NAA11: variants seen among roughly 807,000 people sequenced by gnomAD.
The protein encoded by NAA11 is N-alpha-acetyltransferase 11.
Under a neutral mutation model 16.1 loss-of-function variants are expected in NAA11, and 15 were observed. The observed-to-expected ratio is 0.93, with a 90% CI of 0.62 to 1.44. NAA11 has a LOEUF of 1.44. Ranked by LOEUF, NAA11 falls within the 40% of genes most tolerant of loss-of-function variation. The pLI is 0.00. For missense variants in NAA11, 298 were observed against 291.3 expected (o/e 1.02, Z -0.17); for synonymous variants, 122 against 112.4 (o/e 1.09, Z -0.54).
At chr4:79,271,327 G>A (rs1167502725) in intron 2 of NAA11, among the ~76,000 whole-genome samples, 7 of 145,604 alleles carry the variant, frequency 4.8e-5, no homozygotes, top group Non-Finnish European at 7.5e-5. Context: ...TACAAGGGAT[G>A]TGAAGGACCT....
chr4:79,306,649 C>T (rs1723588852), intron 1 of NAA11: 2 of 152,146 alleles, frequency 1.3e-5, no homozygotes, highest in Admixed American at 6.5e-5. Flanking sequence ...AATAACAGTA[C>T]TTTGAAAAAT....
chr4:79,255,296 TTGG>T (rs1341641021), intron 2 of NAA11, among the ~76,000 whole-genome samples: 3 of 152,174 alleles, frequency 2.0e-5, no homozygotes, highest in Non-Finnish European at 4.4e-5. Flanking sequence ...GTACATGTCT[TTGG>T]TGGGCATATA....
intron 2 of NAA11, among the ~76,000 whole-genome samples, chr4:79,233,546 G>A (rs1721510139): frequency 6.6e-6 from 1 of 151,908 alleles, no homozygotes; most frequent in South Asian, 2.1e-4. Context: ...TCAGGCCATG[G>A]TTTTGGTTGC....
At chr4:79,323,880 G>A (rs1209959708) in intron 1 of NAA11, among the ~76,000 whole-genome samples, 2 of 152,114 alleles carry the variant, frequency 1.3e-5, no homozygotes, top group South Asian at 4.2e-4. Flanking sequence ...GCGGGCGCCT[G>A]TAGTCCCAGT....
chr4:79,213,909 T>G, the NAA11 span, among the ~76,000 whole-genome samples: 2 of 152,318 alleles, frequency 1.3e-5, no homozygotes, highest in South Asian at 4.1e-4. Context: ...GTGCCCAATT[T>G]GTAGCACATG....
intron 2 of NAA11, among the ~76,000 whole-genome samples, chr4:79,249,956 T>A (rs959392654): frequency 6.6e-6 from 1 of 152,224 alleles, no homozygotes; most frequent in East Asian, 1.9e-4. Context: ...GCATTGGGAC[T>A]GACTAGGTGA....
chr4:79,223,994 A>G (rs1578149045), downstream of NAA11, among the ~76,000 whole-genome samples: 1 of 152,116 alleles, frequency 6.6e-6, no homozygotes. Flanking sequence ...TTTCTGTTTT[A>G]TCCTTTCAGT....
the NAA11 span, among the ~76,000 whole-genome samples, chr4:79,208,105 A>T: frequency 6.6e-6 from 1 of 152,148 alleles, no homozygotes; most frequent in African/African-American, 2.4e-5. Flanking sequence ...ATTTTCGCAA[A>T]ATTTGACTTT....
At chr4:79,298,172 C>T in intron 1 of NAA11, among the ~76,000 whole-genome samples, 1 of 152,170 alleles carries the variant, frequency 6.6e-6, no homozygotes, top group East Asian at 1.9e-4. Flanking sequence ...AAAGGAGCTG[C>T]CCCCTGCAGG....
chr4:79,257,648 G>A (rs991342374), intron 2 of NAA11, among the ~76,000 whole-genome samples: 1 of 151,888 alleles, frequency 6.6e-6, no homozygotes, highest in African/African-American at 2.4e-5. Flanking sequence ...TTTGGTGTTT[G>A]ATCTTTATTT....
the NAA11 span, among the ~76,000 whole-genome samples, chr4:79,210,246 C>T: frequency 6.6e-6 from 1 of 151,818 alleles, no homozygotes; most frequent in Non-Finnish European, 1.5e-5. Context: ...AGTTAGGGGA[C>T]GTTTATTGCG....
intron 2 of NAA11, among the ~76,000 whole-genome samples, chr4:79,277,722 C>T (rs13108290): frequency 0.43 from 65,306 of 151,654 alleles, 14,563 homozygotes; most frequent in Middle Eastern, 0.53. Context: ...AGCACTCACC[C>T]CGTCATTCTC....
the NAA11 span, among the ~76,000 whole-genome samples, chr4:79,200,001 T>A: frequency 6.6e-6 from 1 of 151,846 alleles, no homozygotes; most frequent in East Asian, 1.9e-4. Flanking sequence ...GCTTAATTCA[T>A]AGCAAATACA....
At chr4:79,224,440 A>G (rs568237417), downstream of NAA11, among the ~76,000 whole-genome samples, 1 of 152,264 alleles carries the variant, frequency 6.6e-6, no homozygotes, top group East Asian at 1.9e-4. Flanking sequence ...TAATTACGTG[A>G]TGATTGAACC....
chr4:79,244,273 C>T (rs1721755914), intron 2 of NAA11, among the ~76,000 whole-genome samples: 1 of 152,182 alleles, frequency 6.6e-6, no homozygotes, highest in African/African-American at 2.4e-5. Flanking sequence ...TCCTGCCCTG[C>T]TCATGCCTAA....
the NAA11 span, among the ~76,000 whole-genome samples, chr4:79,172,256 C>T: frequency 6.6e-6 from 1 of 152,044 alleles, no homozygotes; most frequent in East Asian, 1.9e-4. Flanking sequence ...ATGCTCCCTC[C>T]TAATAATAAA....
At chr4:79,165,433 G>C in the NAA11 span, among the ~76,000 whole-genome samples, 3 of 152,210 alleles carry the variant, frequency 2.0e-5, no homozygotes, top group Admixed American at 2.0e-4. Flanking sequence ...CAAAGAATGA[G>C]AGAAGGAAAG....
At chr4:79,304,690 A>G (rs77892408) in intron 1 of NAA11, among the ~76,000 whole-genome samples, 3,658 of 151,944 alleles carry the variant, frequency 0.024, 63 homozygotes, top group Non-Finnish European at 0.04. Flanking sequence ...CCTTTTTGGG[A>G]TTTTTATATG....
At chr4:79,225,673 C>G (rs545502319), downstream of NAA11, 1 of 152,140 alleles carries the variant, frequency 6.6e-6, no homozygotes, top group South Asian at 2.1e-4. Flanking sequence ...ATTTTCTGGC[C>G]TAGAGGACTT....
Sources: gnomAD v4.1 joint callset for allele counts (sites outside exome capture counted in the v4.1 genomes callset) on GRCh38, gnomAD v4.1.1 for gene constraint, MANE v1.5 for transcripts, NCBI Gene and HGNC (gene_info 2026-07-23, HGNC 2026-07-21) for gene names.